The following TUSC3 variants were observed in gnomAD, a reference collection of about 807,000 sequenced individuals.
The protein encoded by TUSC3 is dolichyl-diphosphooligosaccharide--protein glycosyltransferase subunit TUSC3.
A neutral mutation model predicts 44.8 loss-of-function variants in TUSC3; 45 were observed. The ratio of observed to expected loss-of-function variants is 1.00; its 90% CI spans 0.79 to 1.29. The LOEUF (loss-of-function observed/expected upper bound fraction) is 1.29, where lower values mean the gene tolerates loss of function less well. TUSC3 is among the 50% of genes most tolerant of loss of function. The probability of loss-of-function intolerance (pLI) is 0.00; values close to 1 mark genes in which losing one functional copy is unlikely to be tolerated. For synonymous variants in TUSC3, 212 were observed against 152.9 expected, an observed-to-expected ratio of 1.39 and a Z score of -2.85; for missense variants, 519 against 437.9, an observed-to-expected ratio of 1.19 and a Z score of -1.65.
chr8:15,696,256 G>C (rs186577482), intron 6 of TUSC3, among the ~76,000 whole-genome samples: 46 of 152,258 alleles, frequency 3.0e-4, no homozygotes, highest in African/African-American at 1.1e-3. Flanking sequence ...CTCCAGCTGA[G>C]ACTAGAACGG....
chr8:15,509,263 C>T (rs1472256224), intron 2 of TUSC3, among the ~76,000 whole-genome samples: 2 of 152,160 alleles, frequency 1.3e-5, no homozygotes, highest in Admixed American at 6.6e-5. Flanking sequence ...AAACCACAGC[C>T]ATCTAAGTTA....
intron 2 of TUSC3, among the ~76,000 whole-genome samples, chr8:15,534,251 C>T (rs1801491693): frequency 1.3e-5 from 2 of 152,066 alleles, no homozygotes; most frequent in Admixed American, 1.3e-4. Flanking sequence ...TTTAAAGAGT[C>T]CGTAGAATTT....
chr8:15,541,861 C>G (rs1585084007), intron 1 of TUSC3, among the ~76,000 whole-genome samples: 4 of 151,184 alleles, frequency 2.6e-5, no homozygotes, highest in South Asian at 2.1e-4. Flanking sequence ...TGTGGATTAC[C>G]AAAGCAAAGG....
the TUSC3 span, among the ~76,000 whole-genome samples, chr8:15,808,097 A>G: frequency 1.3e-5 from 2 of 152,152 alleles, no homozygotes; most frequent in Non-Finnish European, 2.9e-5. Context: ...TGAACATATT[A>G]TTACAGTACT....
chr8:15,641,231 C>G (rs561984684), intron 2 of TUSC3, among the ~76,000 whole-genome samples: 20 of 152,106 alleles, frequency 1.3e-4, no homozygotes, highest in African/African-American at 4.8e-4. Context: ...CGCGGTGGCA[C>G]TCGCCTGTAG....
At chr8:15,711,129 TTTC>T (rs1809830531) in intron 6 of TUSC3, among the ~76,000 whole-genome samples, 1 of 151,744 alleles carries the variant, frequency 6.6e-6, no homozygotes, top group Admixed American at 6.6e-5. Context: ...TTCCCTTTTT[TTTC>T]TTGTCCTCTC....
chr8:15,622,482 C>A (rs139213712), intron 1 of TUSC3, among the ~76,000 whole-genome samples: 1 of 152,216 alleles, frequency 6.6e-6, no homozygotes, highest in East Asian at 1.9e-4. Context: ...TCCCAAACCT[C>A]CCTAGGAACA....
At chr8:15,737,348 A>G (rs1204189174) in intron 7 of TUSC3, among the ~76,000 whole-genome samples, 3 of 152,132 alleles carry the variant, frequency 2.0e-5, no homozygotes, top group Non-Finnish European at 2.9e-5. Context: ...AGCATATGCA[A>G]TTGAGAAGGG....
At chr8:15,536,986 T>C (rs1801533145), upstream of TUSC3, among the ~76,000 whole-genome samples, 1 of 152,144 alleles carries the variant, frequency 6.6e-6, no homozygotes, top group Admixed American at 6.5e-5. Context: ...TACCTTGAAA[T>C]TGCCCTGCAA....
chr8:15,458,607 G>A (rs571736124), intron 1 of TUSC3, among the ~76,000 whole-genome samples: 5 of 152,288 alleles, frequency 3.3e-5, no homozygotes, highest in South Asian at 4.1e-4. Flanking sequence ...AACGATGAAT[G>A]TGTTATGTAC....
chr8:15,805,104 G>C, the TUSC3 span, among the ~76,000 whole-genome samples: 77 of 152,226 alleles, frequency 5.1e-4, 1 homozygote, highest in Middle Eastern at 0.014. Flanking sequence ...CTGTAAATGA[G>C]AACGTGTTCC....
the TUSC3 span, among the ~76,000 whole-genome samples, chr8:15,822,954 T>C: frequency 6.6e-6 from 1 of 152,136 alleles, no homozygotes; most frequent in Admixed American, 6.5e-5. Flanking sequence ...GACAGGTTCA[T>C]TGGCCCTCGT....
At chr8:15,670,274 G>A (rs1807885097) in intron 5 of TUSC3, among the ~76,000 whole-genome samples, 2 of 151,724 alleles carry the variant, frequency 1.3e-5, no homozygotes, top group South Asian at 4.2e-4. Context: ...CAATATGAAG[G>A]AAGAATAATG....
chr8:15,431,857 A>T (rs376786348), intron 1 of TUSC3, among the ~76,000 whole-genome samples: 5 of 46,508 alleles, frequency 1.1e-4, no homozygotes, highest in African/African-American at 1.8e-4. Context: ...TATTATGTTC[A>T]GCCACTGTTA....
intron 2 of TUSC3, among the ~76,000 whole-genome samples, chr8:15,632,678 A>C (rs910138364): frequency 4.6e-5 from 7 of 152,322 alleles, no homozygotes; most frequent in African/African-American, 1.7e-4. Context: ...TTTTCAAATT[A>C]AGTGATTTCT....
At chr8:15,622,948 T>A in intron 1 of TUSC3, 132 bp from the exon 2 acceptor site, 1 of 927,134 alleles carries the variant, frequency 1.1e-6, no homozygotes, top group Non-Finnish European at 1.6e-6. Flanking sequence ...AGCAGAAATA[T>A]GGTCTTTTAT....
At chr8:15,816,600 G>C in the TUSC3 span, among the ~76,000 whole-genome samples, 1 of 152,068 alleles carries the variant, frequency 6.6e-6, no homozygotes, top group African/African-American at 2.4e-5. Context: ...GACTTAATTC[G>C]TAAGACGATG....
intron 2 of TUSC3, among the ~76,000 whole-genome samples, chr8:15,631,275 G>A (rs191672298): frequency 6.6e-6 from 1 of 152,162 alleles, no homozygotes; most frequent in Non-Finnish European, 1.5e-5. Flanking sequence ...CGTAACTTTA[G>A]TGTGTTAACT....
intron 1 of TUSC3, among the ~76,000 whole-genome samples, chr8:15,464,634 G>C (rs141394891): frequency 5.7e-4 from 87 of 152,216 alleles, no homozygotes; most frequent in African/African-American, 2.0e-3. Flanking sequence ...CAGTATATCA[G>C]TTAGCTTTAA....
Sources: gnomAD v4.1 joint callset for allele counts (sites outside exome capture counted in the v4.1 genomes callset) on GRCh38, gnomAD v4.1.1 for gene constraint, MANE v1.5 for transcripts, NCBI Gene and HGNC (gene_info 2026-07-23, HGNC 2026-07-21) for gene names.